Variants in ADCY1 observed in about 807,000 individuals in gnomAD.
ADCY1 encodes the protein adenylate cyclase 1, also known as adenylate cyclase type 1.
A neutral mutation model predicts 105.4 loss-of-function variants in ADCY1; 28 were observed. The ratio of observed to expected loss-of-function variants is 0.27; its 90% CI spans 0.20 to 0.36. The LOEUF is 0.36. Among genes scored for constraint, ADCY1 ranks in the 10% least tolerant of loss-of-function variants. ADCY1 has a pLI of 1.00. For synonymous variants in ADCY1, 655 were observed against 623.8 expected (o/e 1.05, Z -0.75); for missense variants, 977 against 1,434.2 (o/e 0.68, Z 5.15).
chr7:45,604,095 T>C (rs1416431422), intron 2 of ADCY1, among the ~76,000 whole-genome samples: 1 of 152,224 alleles, frequency 6.6e-6, no homozygotes, highest in East Asian at 1.9e-4. Context: ...CTGGGTCATA[T>C]GGAAGTTGCC....
intron 14 of ADCY1, among the ~76,000 whole-genome samples, chr7:45,693,018 C>T (rs1199071118): frequency 6.6e-6 from 1 of 152,170 alleles, no homozygotes; most frequent in Non-Finnish European, 1.5e-5. Context: ...AACAGATCAT[C>T]AAAATACATA....
At chr7:45,594,803 A>G (rs1214583207) in intron 2 of ADCY1, among the ~76,000 whole-genome samples, 6 of 152,146 alleles carry the variant, frequency 3.9e-5, no homozygotes, top group Admixed American at 3.3e-4. Context: ...TAAGGAGGAC[A>G]TTTTCAAAAT....
intron 5 of ADCY1, among the ~76,000 whole-genome samples, chr7:45,654,756 C>T (rs904177055): frequency 1.3e-5 from 2 of 152,230 alleles, no homozygotes; most frequent in Non-Finnish European, 2.9e-5. Flanking sequence ...TGTGTGCACA[C>T]ACTTCTACAA....
intron 12 of ADCY1, among the ~76,000 whole-genome samples, 186 bp downstream of exon 12, chr7:45,685,254 C>T (rs1421337531): frequency 6.6e-6 from 1 of 152,172 alleles, no homozygotes; most frequent in Non-Finnish European, 1.5e-5. Flanking sequence ...GCAAATTCTC[C>T]CTGGTGAAAG....
intron 5 of ADCY1, among the ~76,000 whole-genome samples, chr7:45,649,430 C>CA (rs1794753816): frequency 8.1e-6 from 1 of 123,268 alleles, no homozygotes; most frequent in South Asian, 2.6e-4. Flanking sequence ...TAGATCCAAA[C>CA]AAACATCTCA....
At chr7:45,702,904 G>A (rs1785026858) in intron 14 of ADCY1, among the ~76,000 whole-genome samples, 1 of 152,230 alleles carries the variant, frequency 6.6e-6, no homozygotes, top group Non-Finnish European at 1.5e-5. Flanking sequence ...CCAGAGGGAT[G>A]TGGCTCTAGT....
intron 3 of ADCY1, among the ~76,000 whole-genome samples, chr7:45,613,505 G>A (rs1584270833): frequency 6.6e-6 from 1 of 152,096 alleles, no homozygotes; most frequent in Non-Finnish European, 1.5e-5. Context: ...AGAAGAGTGA[G>A]CAACAGAACC....
intron 6 of ADCY1, 31 bp downstream of exon 6, chr7:45,657,916 G>GGGGGGGT: frequency 4.0e-6 from 2 of 502,898 alleles, no homozygotes; most frequent in African/African-American, 2.0e-5. Flanking sequence ...GGAGGGGAGG[G>GGGGGGGT]AGGTGGGTGA....
chr7:45,684,967 T>G lies in ADCY1; in HGVS notation c.1984-12T>G. 1 of 1,610,080 alleles carries G rather than the reference T, an allele frequency of 6.2e-7. No homozygotes were observed. Among genetic ancestry groups the G allele is most frequent in the Non-Finnish European group, 8.5e-7 (1 of 1,176,282 alleles). ...TCAGAGGGTATTTTCTAAATTAACA[T>G]TTCTTATTCAGTGTTTTCCAGGGTG... is the stretch of plus-strand genomic sequence containing the variant. On this transcript the variant is annotated splice_polypyrimidine_tract_variant and intron_variant, in intron 11 of 19. Coordinates refer to ENST00000297323, the MANE Select transcript of ADCY1 (RefSeq NM_021116.4).
chr7:45,665,581 C>T (rs1784217065), intron 8 of ADCY1, among the ~76,000 whole-genome samples: 1 of 152,236 alleles, frequency 6.6e-6, no homozygotes, highest in African/African-American at 2.4e-5. Flanking sequence ...AAAATAAAAG[C>T]AACATCCACA....
chr7:45,649,585 C>T (rs2116063551), intron 5 of ADCY1, among the ~76,000 whole-genome samples: 1 of 152,312 alleles, frequency 6.6e-6, no homozygotes, highest in African/African-American at 2.4e-5. Flanking sequence ...CACAGGCAAA[C>T]ACCCCACCCA....
chr7:45,658,192 C>T (rs1256252239), intron 6 of ADCY1, among the ~76,000 whole-genome samples: 1 of 152,260 alleles, frequency 6.6e-6, no homozygotes, highest in Non-Finnish European at 1.5e-5. Flanking sequence ...GTGCTGTCCT[C>T]ATGGCTTGTT....
chr7:45,681,116 G>C (rs111287739), intron 11 of ADCY1, among the ~76,000 whole-genome samples: 687 of 152,240 alleles, frequency 4.5e-3, no homozygotes, highest in African/African-American at 0.016. Context: ...AGCAAAATCT[G>C]CACCCAATCT....
At chr7:45,665,569 A>G (rs1784216848) in intron 8 of ADCY1, among the ~76,000 whole-genome samples, 1 of 152,268 alleles carries the variant, frequency 6.6e-6, no homozygotes, top group Admixed American at 6.5e-5. Context: ...AGCTTGAATT[A>G]AAAAATAAAA....
At chr7:45,629,495 A>G (rs550005190) in intron 4 of ADCY1, among the ~76,000 whole-genome samples, 1 of 151,478 alleles carries the variant, frequency 6.6e-6, no homozygotes, top group African/African-American at 2.4e-5. Flanking sequence ...AAAACATGGC[A>G]GATGTATGCT....
At chr7:45,694,407 G>A (rs936406466) in intron 14 of ADCY1, among the ~76,000 whole-genome samples, 3 of 152,156 alleles carry the variant, frequency 2.0e-5, no homozygotes, top group African/African-American at 7.2e-5. Context: ...AAATTAGAAA[G>A]TAATATGAAC....
intron 8 of ADCY1, among the ~76,000 whole-genome samples, chr7:45,675,554 A>G (rs1361562625): frequency 6.6e-6 from 1 of 151,902 alleles, no homozygotes; most frequent in African/African-American, 2.4e-5. Flanking sequence ...CTTTAGGTTG[A>G]TTATAAACTC....
At chr7:45,594,155 G>A (rs1221182526) in intron 2 of ADCY1, among the ~76,000 whole-genome samples, 1 of 152,132 alleles carries the variant, frequency 6.6e-6, no homozygotes, top group African/African-American at 2.4e-5. Context: ...GTTTGCGTGG[G>A]CATGCCTGTA....
chr7:45,689,928 A>G (rs75081864), intron 14 of ADCY1, among the ~76,000 whole-genome samples: 3,054 of 152,306 alleles, frequency 0.02, 275 homozygotes, highest in Admixed American at 0.17. Flanking sequence ...AAAAACTGTG[A>G]GAGGAGTCAG....
Sources: gnomAD v4.1 joint callset for allele counts (sites outside exome capture counted in the v4.1 genomes callset) on GRCh38, gnomAD v4.1.1 for gene constraint, MANE v1.5 for transcripts, NCBI Gene and HGNC (gene_info 2026-07-23, HGNC 2026-07-21) for gene names.